The following CDH18 variants were observed in gnomAD, a reference collection of about 807,000 sequenced individuals.
CDH18 encodes the protein cadherin 18.
Under a neutral mutation model 67.9 loss-of-function variants are expected in CDH18, and 31 were observed. The observed-to-expected ratio is 0.46, with a 90% CI of 0.34 to 0.62. The LOEUF (loss-of-function observed/expected upper bound fraction) is 0.62, where lower values mean the gene tolerates loss of function less well. CDH18 is among the 20% of genes least tolerant of loss of function. The probability of loss-of-function intolerance (pLI) is 0.01; values close to 1 mark genes in which losing one functional copy is unlikely to be tolerated. For synonymous variants in CDH18, 362 were observed against 347.2 expected (o/e 1.04, Z -0.48); for missense variants, 890 against 975.5 (o/e 0.91, Z 1.17).
At chr5:19,484,062 T>A (rs535010436) in intron 11 of CDH18, among the ~76,000 whole-genome samples, 2 of 152,322 alleles carry the variant, frequency 1.3e-5, no homozygotes, top group Middle Eastern at 3.4e-3. Context: ...AGCAACAAAC[T>A]TTTTAGACTT....
intron 2 of CDH18, among the ~76,000 whole-genome samples, chr5:20,254,073 C>A (rs2089551): frequency 2.6e-5 from 4 of 152,000 alleles, no homozygotes; most frequent in African/African-American, 9.7e-5. Flanking sequence ...AAAAACTTTA[C>A]AAGCCAGAAG....
intron 1 of CDH18, among the ~76,000 whole-genome samples, chr5:20,506,034 G>C (rs976671590): frequency 2.6e-5 from 4 of 151,832 alleles, no homozygotes; most frequent in African/African-American, 9.7e-5. Flanking sequence ...AGATAAAGAG[G>C]GTAAGAAGAG....
chr5:19,957,073 C>T (rs185967429), intron 2 of CDH18, among the ~76,000 whole-genome samples: 10 of 151,966 alleles, frequency 6.6e-5, no homozygotes, highest in Middle Eastern at 3.4e-3. Flanking sequence ...AAATCTGTTT[C>T]TCAGTTTAGT....
intron 3 of CDH18, among the ~76,000 whole-genome samples, chr5:19,778,361 G>A (rs114031200): frequency 0.053 from 8,046 of 152,114 alleles, 586 homozygotes; most frequent in African/African-American, 0.17. Flanking sequence ...AAATTAAAAC[G>A]AAAGATGAAT....
chr5:19,498,606 A>G (rs1742728473), intron 11 of CDH18, among the ~76,000 whole-genome samples: 1 of 152,158 alleles, frequency 6.6e-6, no homozygotes, highest in Non-Finnish European at 1.5e-5. Flanking sequence ...TGAAATTATG[A>G]TTGATTTTTT....
chr5:20,212,324 G>T (rs1270024466), intron 2 of CDH18, among the ~76,000 whole-genome samples: 1 of 152,068 alleles, frequency 6.6e-6, no homozygotes, highest in South Asian at 2.1e-4. Flanking sequence ...GAAAGTGATG[G>T]GGAGAATGGA....
At chr5:20,436,685 T>A (rs1160504234) in intron 1 of CDH18, among the ~76,000 whole-genome samples, 1 of 151,436 alleles carries the variant, frequency 6.6e-6, no homozygotes, top group Non-Finnish European at 1.5e-5. Context: ...CATATATACA[T>A]ACACATATAT....
At chr5:19,852,559 TA>T (rs1783827036) in intron 2 of CDH18, among the ~76,000 whole-genome samples, 1 of 152,052 alleles carries the variant, frequency 6.6e-6, no homozygotes, top group African/African-American at 2.4e-5. Flanking sequence ...CTTAGGTTTC[TA>T]AAGTTCAATA....
chr5:20,480,720 T>A lies in CDH18; in HGVS notation c.-580+94742A>T, dbSNP rs551514966. 2.0e-5 allele frequency among the ~76,000 whole-genome samples: 3 copies of A among 152,288 alleles called. No homozygotes were observed. The South Asian group carries it at 6.2e-4, about 32-fold the overall frequency. On this transcript the variant is annotated intron_variant, in intron 1 of 14. Transcript: ENST00000507958. ...CCTGACCAAAGTATAGAGTTTTTAT[T>A]AGTTTTTGCTCGCTTGTAATTTTAT... is the stretch of plus-strand genomic sequence containing the variant.
intron 2 of CDH18, among the ~76,000 whole-genome samples, chr5:19,903,352 T>A (rs2150118193): frequency 6.6e-6 from 1 of 151,786 alleles, no homozygotes; most frequent in African/African-American, 2.4e-5. Context: ...TGTAGGTTAT[T>A]AACCTTACCA....
intron 1 of CDH18, among the ~76,000 whole-genome samples, chr5:20,409,671 C>A (rs1746600420): frequency 6.7e-6 from 1 of 150,320 alleles, no homozygotes; most frequent in Non-Finnish European, 1.5e-5. Flanking sequence ...AGAAATAAAG[C>A]CAATAGAGAA....
chr5:19,473,748 A>T (rs1322601229), intron 12 of CDH18, 32 bp from the exon 13 acceptor site: 2 of 1,510,136 alleles, frequency 1.3e-6, no homozygotes, highest in Admixed American at 4.2e-5. Flanking sequence ...ATGAAGAATT[A>T]AGAAAACAGG....
At chr5:20,513,919 G>C (rs964283) in intron 1 of CDH18, among the ~76,000 whole-genome samples, 100,241 of 151,936 alleles carry the variant, frequency 0.66, 33,957 homozygotes, top group East Asian at 0.97. Context: ...ATAGTTTAAA[G>C]CTATCCATTC....
chr5:20,159,365 T>A (rs1204142493), intron 2 of CDH18, among the ~76,000 whole-genome samples: 1 of 152,088 alleles, frequency 6.6e-6, no homozygotes, highest in East Asian at 1.9e-4. Flanking sequence ...AGAGGAGAAG[T>A]TGTGCCCTAG....
At chr5:20,309,122 A>C (rs1188947140) in intron 1 of CDH18, among the ~76,000 whole-genome samples, 1 of 152,156 alleles carries the variant, frequency 6.6e-6, no homozygotes, top group Non-Finnish European at 1.5e-5. Flanking sequence ...CTCTGGGAAA[A>C]ATTTCTTATG....
At chr5:19,744,460 CT>C (rs563882737) in intron 4 of CDH18, among the ~76,000 whole-genome samples, 7 of 151,232 alleles carry the variant, frequency 4.6e-5, no homozygotes, top group African/African-American at 1.7e-4. Context: ...ATGTGGCATC[CT>C]TTTACAATAT....
At chr5:20,459,667 G>A (rs1244560285) in intron 1 of CDH18, among the ~76,000 whole-genome samples, 1 of 152,170 alleles carries the variant, frequency 6.6e-6, no homozygotes, top group African/African-American at 2.4e-5. Context: ...AGGCAGAAAT[G>A]GATCCTCTCA....
intron 2 of CDH18, among the ~76,000 whole-genome samples, chr5:20,023,136 C>T (rs770464983): frequency 6.6e-5 from 10 of 152,084 alleles, no homozygotes; most frequent in Non-Finnish European, 1.3e-4. Context: ...ATTATGATAG[C>T]GCCATTCTGA....
chr5:20,141,514 T>C (rs1330881932), intron 2 of CDH18, among the ~76,000 whole-genome samples: 1 of 152,138 alleles, frequency 6.6e-6, no homozygotes, highest in Non-Finnish European at 1.5e-5. Flanking sequence ...TCAAGCTAGA[T>C]GGCATCAACA....
Sources: allele counts gnomAD v4.1 joint callset (sites outside exome capture counted in the v4.1 genomes callset), GRCh38; gene constraint gnomAD v4.1.1; transcripts MANE v1.5; gene names NCBI Gene and HGNC (gene_info 2026-07-23, HGNC 2026-07-21).